The following GATA4 variants were observed in gnomAD, a reference collection of about 807,000 sequenced individuals.
GATA4 encodes the protein GATA binding protein 4, also known as transcription factor GATA-4.
Under a neutral mutation model 37.9 loss-of-function variants are expected in GATA4, and 7 were observed. The ratio of observed to expected loss-of-function variants is 0.18; its 90% CI spans 0.11 to 0.35. GATA4 has a LOEUF of 0.35. GATA4 is among the 10% of genes least tolerant of loss of function. GATA4 has a pLI of 1.00. For missense variants in GATA4, 647 were observed against 653.0 expected (o/e 0.99, Z 0.10); for synonymous variants, 372 against 292.6 (o/e 1.27, Z -2.77).
chr8:11,698,292 T>C (rs1220743918), intron 1 of GATA4, among the ~76,000 whole-genome samples: 1 of 152,246 alleles, frequency 6.6e-6, no homozygotes, highest in East Asian at 1.9e-4. Flanking sequence ...CGTTTTTCTC[T>C]TACAGCATGT....
Position 11,682,716 on chromosome 8 carries a change from C to T in GATA4, c.-274+5653C>T, listed in dbSNP as rs140190611. On this transcript the variant is annotated intron_variant, in intron 1 of 6. Transcript: ENST00000528712. Reference sequence around the variant, plus strand: ...GTGAAAGTCAGCTATGTCTCCTCTGCAATGATTGCAGAACAACAAAAATTT... The same window carrying T: ...GTGAAAGTCAGCTATGTCTCCTCTGTAATGATTGCAGAACAACAAAAATTT... Among the ~76,000 whole-genome samples, 225 of 152,328 alleles carry T rather than the reference C, an allele frequency of 1.5e-3. 2 individuals carry two copies. The highest frequency in any genetic ancestry group is 5.1e-3 in the African/African-American group (214 of 41,570).
rs372504711 is a variant in GATA4 at position 11,759,180 on chromosome 8, C to G, written c.*705C>G. 1 of 157,208 alleles carries G rather than the reference C, an allele frequency of 6.4e-6. No homozygotes were observed. The highest frequency in any genetic ancestry group is 1.4e-5 in the Non-Finnish European group (1 of 71,234). 9.7% of individuals were successfully genotyped at this position (157,208 alleles called of 1,614,324 possible). On this transcript the variant is annotated 3_prime_UTR_variant, in exon 7 of 7. Coordinates refer to ENST00000532059, the MANE Select transcript of GATA4 (RefSeq NM_001308093.3). ...TAAAAATCCCTCTTCCCGCTCTGAG[C>G]GATTCAGCTCTGCCCGCAGCTTGTA...
upstream of GATA4, among the ~76,000 whole-genome samples, chr8:11,700,340 C>G (rs1194969138): frequency 6.6e-6 from 1 of 152,242 alleles, no homozygotes; most frequent in African/African-American, 2.4e-5. Flanking sequence ...CCTTCCTCTC[C>G]TCTCGTCTGT....
intron 2 of GATA4, among the ~76,000 whole-genome samples, chr8:11,742,546 CTG>C (rs1801799496): frequency 6.6e-6 from 1 of 152,188 alleles, no homozygotes; most frequent in African/African-American, 2.4e-5. Context: ...GCCTTGGACT[CTG>C]TGGGGTGACT....
chr8:11,682,351 C>G (rs180732597), intron 1 of GATA4, among the ~76,000 whole-genome samples: 1 of 152,250 alleles, frequency 6.6e-6, no homozygotes, highest in African/African-American at 2.4e-5. Flanking sequence ...ATTTTATTTG[C>G]TTTCTGTTAG....
intron 2 of GATA4, among the ~76,000 whole-genome samples, chr8:11,718,666 C>T (rs1300871113): frequency 2.6e-5 from 4 of 152,334 alleles, no homozygotes; most frequent in South Asian, 2.1e-4. Flanking sequence ...ATCCCCTAAT[C>T]GCAAATCCAG....
At chr8:11,730,974 G>A (rs1801180911) in intron 2 of GATA4, among the ~76,000 whole-genome samples, 1 of 152,380 alleles carries the variant, frequency 6.6e-6, no homozygotes, top group South Asian at 2.1e-4. Flanking sequence ...TGCCTGGACG[G>A]CTCTGTCAGG....
At chr8:11,734,010 A>G (rs1330276634) in intron 2 of GATA4, among the ~76,000 whole-genome samples, 1 of 152,268 alleles carries the variant, frequency 6.6e-6, no homozygotes, top group East Asian at 1.9e-4. Context: ...ATTGAAGCAT[A>G]CATATAGAAT....
chr8:11,744,757 G>A (rs949229320), intron 2 of GATA4, among the ~76,000 whole-genome samples: 1 of 152,176 alleles, frequency 6.6e-6, no homozygotes, highest in Non-Finnish European at 1.5e-5. Context: ...GGAGGTGTAG[G>A]AGGTTGACTA....
intron 2 of GATA4, among the ~76,000 whole-genome samples, chr8:11,717,915 C>G (rs1239666009): frequency 1.3e-5 from 2 of 152,224 alleles, no homozygotes; most frequent in South Asian, 4.1e-4. Context: ...TCCCAGGATT[C>G]AGACCCTTCC....
At chr8:11,695,843 G>A (rs761876193) in intron 1 of GATA4, among the ~76,000 whole-genome samples, 1 of 152,208 alleles carries the variant, frequency 6.6e-6, no homozygotes, top group Non-Finnish European at 1.5e-5. Flanking sequence ...CTCAAGATAG[G>A]CACTGGAGCT....
At chr8:11,692,504 G>C, upstream of GATA4, 3 of 985,420 alleles carry the variant, frequency 3.0e-6, no homozygotes, top group Non-Finnish European at 3.6e-6. Flanking sequence ...TGCACAGCGT[G>C]AGTAATTCCC....
At chr8:11,697,114 C>T (rs1799530804) in intron 1 of GATA4, among the ~76,000 whole-genome samples, 1 of 152,204 alleles carries the variant, frequency 6.6e-6, no homozygotes, top group Non-Finnish European at 1.5e-5. Context: ...TCACTGCGCC[C>T]CTTTGCACCT....
intron 2 of GATA4, among the ~76,000 whole-genome samples, chr8:11,714,904 T>C (rs1042189043): frequency 2.0e-5 from 3 of 152,190 alleles, no homozygotes; most frequent in Non-Finnish European, 4.4e-5. Flanking sequence ...TTAGGTGTAG[T>C]AGCCATAAAA....
intron 1 of GATA4, chr8:11,680,425 G>T: frequency 1.0e-6 from 1 of 961,330 alleles, no homozygotes; most frequent in Non-Finnish European, 1.2e-6. Flanking sequence ...AGGCTGAGGA[G>T]CTCCCTCTCA....
chr8:11,683,649 C>G (rs536360962), intron 1 of GATA4, among the ~76,000 whole-genome samples: 1 of 152,162 alleles, frequency 6.6e-6, no homozygotes, highest in Non-Finnish European at 1.5e-5. Flanking sequence ...ATTATTTGCC[C>G]AAGATGAGGA....
At chr8:11,726,407 T>G (rs1585634989) in intron 2 of GATA4, among the ~76,000 whole-genome samples, 1 of 152,082 alleles carries the variant, frequency 6.6e-6, no homozygotes, top group South Asian at 2.1e-4. Flanking sequence ...AACATTATGT[T>G]CTCAAAGGTA....
At chr8:11,747,038 G>A (rs896728585) in intron 2 of GATA4, among the ~76,000 whole-genome samples, 1 of 152,154 alleles carries the variant, frequency 6.6e-6, no homozygotes, top group Non-Finnish European at 1.5e-5. Flanking sequence ...AGCAAAATGC[G>A]CAACCTCAAC....
chr8:11,679,789 C>A (rs1798896488), intron 1 of GATA4, among the ~76,000 whole-genome samples: 1 of 152,234 alleles, frequency 6.6e-6, no homozygotes, highest in East Asian at 1.9e-4. Context: ...GAGATGGAGA[C>A]CCCCGAATAA....
Sources: allele counts gnomAD v4.1 joint callset (sites outside exome capture counted in the v4.1 genomes callset), GRCh38; gene constraint gnomAD v4.1.1; transcripts MANE v1.5; gene names NCBI Gene and HGNC (gene_info 2026-07-23, HGNC 2026-07-21).